Variants in MROH9 observed in about 807,000 individuals in gnomAD.
The protein encoded by MROH9 is maestro heat-like repeat-containing protein family member 9.
Under a neutral mutation model 98.2 loss-of-function variants are expected in MROH9, and 92 were observed. The ratio of observed to expected loss-of-function variants is 0.94; its 90% confidence interval spans 0.79 to 1.11. The LOEUF is 1.11. Ranked by LOEUF, MROH9 falls within the 50% of genes most tolerant of loss-of-function variation. The pLI is 0.00. For synonymous variants in MROH9, 397 were observed against 368.9 expected (o/e 1.08, Z -0.87); for missense variants, 1,057 against 1,014.8 (o/e 1.04, Z -0.57).
chr1:170,945,310 C>T (rs965420334), intron 1 of MROH9, among the ~76,000 whole-genome samples: 3 of 152,056 alleles, frequency 2.0e-5, no homozygotes, highest in Non-Finnish European at 2.9e-5. Context: ...GAGCAGACTA[C>T]AGCTAAACTG....
intron 20 of MROH9, among the ~76,000 whole-genome samples, chr1:171,041,871 A>G (rs746666825): frequency 6.6e-6 from 1 of 151,960 alleles, no homozygotes; most frequent in Non-Finnish European, 1.5e-5. Context: ...TTGTGGGTAC[A>G]TAGTAGGTGT....
At chr1:171,043,168 A>G (rs887874149) in intron 20 of MROH9, among the ~76,000 whole-genome samples, 1 of 152,028 alleles carries the variant, frequency 6.6e-6, no homozygotes, top group Non-Finnish European at 1.5e-5. Context: ...CTTGTATATG[A>G]CAAGAGATGG....
At chr1:170,948,574 A>C (rs1337797878) in intron 3 of MROH9, among the ~76,000 whole-genome samples, 1 of 152,122 alleles carries the variant, frequency 6.6e-6, no homozygotes, top group Non-Finnish European at 1.5e-5. Flanking sequence ...TATGCATTAA[A>C]TATTATGCTA....
rs1654108402 is a variant in MROH9 at position 171,064,453 on chromosome 1, G to T, written c.*113G>T. 2.4e-5 allele frequency: 26 copies of T among 1,082,090 alleles called. No individual in the cohort carries two copies. Among genetic ancestry groups the T allele is most frequent in the Non-Finnish European group, 3.2e-5 (25 of 788,228 alleles). The allele number at this position is 1,082,090 out of a possible 1,614,324, so 67.0% of individuals were successfully genotyped here. On this transcript the variant is annotated 3_prime_UTR_variant, in exon 22 of 22. Transcript: ENST00000367759. ...CTTTCCCTCCTGACAACTTGAGTCT[G>T]TTTGTAGATGCTTTTCTGAAAAATT...
chr1:171,063,848 A>G (rs1230946641), intron 21 of MROH9, among the ~76,000 whole-genome samples: 2 of 152,204 alleles, frequency 1.3e-5, no homozygotes, highest in African/African-American at 4.8e-5. Context: ...CTCAGCACAT[A>G]AAAGGTCCTT....
At chr1:171,016,119 C>T (rs1168130089) in intron 16 of MROH9, 44 bp from the exon 17 acceptor site, 10 of 1,318,680 alleles carry the variant, frequency 7.6e-6, no homozygotes, top group Non-Finnish European at 9.9e-6. Flanking sequence ...GCTCAAGTCT[C>T]CTGCTAGTTC....
chr1:171,033,147 C>T (rs1652982738), intron 20 of MROH9, among the ~76,000 whole-genome samples: 1 of 152,234 alleles, frequency 6.6e-6, no homozygotes, highest in South Asian at 2.1e-4. Context: ...AAAAGCACAG[C>T]CTGGGGCTTT....
At position 170,947,572 on chromosome 1, in the gene MROH9, T is replaced by C; in HGVS notation, c.71T>C (p.Met24Thr). The C allele has an allele frequency of 6.2e-7, 1 of 1,609,342 alleles. No individual in the cohort carries two copies. Among genetic ancestry groups the C allele is most frequent in the South Asian group, 1.1e-5 (1 of 90,812 alleles). ...CAAGACAGTGTGAAATGGCACCACA[T>C]GGTAAGTGATATTCTATAAGGATAT... is the stretch of plus-strand genomic sequence containing the variant. ...ILQDSVKWHHMAHKVNSLLDA... is the reference protein window; with the variant it reads ...ILQDSVKWHHTAHKVNSLLDA... Residue 24 changes from methionine (M) to threonine (T), a missense_variant and splice_region_variant, in exon 3 of 22, where the codon ATG (methionine) becomes ACG (threonine). Coordinates refer to ENST00000367759, the MANE Select transcript of MROH9 (RefSeq NM_001163629.2).
At chr1:171,038,544 T>C (rs185778808) in intron 20 of MROH9, among the ~76,000 whole-genome samples, 1 of 152,328 alleles carries the variant, frequency 6.6e-6, no homozygotes, top group African/African-American at 2.4e-5. Context: ...AAATGATGTG[T>C]GTACATAGAT....
In MROH9 at chr1:171,024,485, GT is replaced by G; in HGVS notation, c.2001del (p.Leu668Ter). The G allele has an allele frequency of 6.5e-7, 1 of 1,548,678 alleles. No homozygotes were observed. The highest frequency in any genetic ancestry group is 8.7e-7 in the Non-Finnish European group (1 of 1,146,078). ...RQYTWMVNDVVLEGLVPLILF... is the reference protein window; with the variant it reads ...RQYTWMVNDVXLEGLVPLILF... Reference sequence around the variant, plus strand: ...GTACACATGGATGGTGAATGATGTGGTTCTAGAAGGCTTGGTGCCCCTAATC... The same window carrying G: ...GTACACATGGATGGTGAATGATGTGGTCTAGAAGGCTTGGTGCCCCTAATC... On this transcript the variant is annotated frameshift_variant, in exon 18 of 22. Transcript: ENST00000367759. LOFTEE classifies it high-confidence loss of function.
At chr1:170,974,493 A>G (rs1417841142) in intron 8 of MROH9, among the ~76,000 whole-genome samples, 1 of 152,130 alleles carries the variant, frequency 6.6e-6, no homozygotes, top group Non-Finnish European at 1.5e-5. Flanking sequence ...GACACAAGTT[A>G]TAGGCAATGA....
At chr1:170,941,239 A>G (rs1269694840) in intron 1 of MROH9, among the ~76,000 whole-genome samples, 2 of 152,172 alleles carry the variant, frequency 1.3e-5, no homozygotes, top group Non-Finnish European at 2.9e-5. Context: ...GGAAAAGGCC[A>G]TAGGTCCCTT....
intron 20 of MROH9, among the ~76,000 whole-genome samples, chr1:171,060,132 C>T (rs1411796838): frequency 6.6e-6 from 1 of 151,948 alleles, no homozygotes; most frequent in Non-Finnish European, 1.5e-5. Flanking sequence ...CAAATACCAC[C>T]TCTTCCCCCA....
intron 15 of MROH9, among the ~76,000 whole-genome samples, chr1:171,006,812 T>C (rs1348646009): frequency 1.4e-5 from 2 of 141,518 alleles, no homozygotes; most frequent in Non-Finnish European, 3.1e-5. Flanking sequence ...CCAGGGTTTC[T>C]GTTTTGTTAT....
At chr1:170,952,673 A>G (rs1649602746) in intron 3 of MROH9, among the ~76,000 whole-genome samples, 1 of 151,964 alleles carries the variant, frequency 6.6e-6, no homozygotes, top group Non-Finnish European at 1.5e-5. Flanking sequence ...TGGGTGCAGC[A>G]CACCAACATG....
At chr1:171,002,261 A>T (rs1018933683) in intron 15 of MROH9, among the ~76,000 whole-genome samples, 2 of 152,070 alleles carry the variant, frequency 1.3e-5, no homozygotes, top group Non-Finnish European at 2.9e-5. Flanking sequence ...TTGAAATGTG[A>T]GGTACTGTTG....
intron 20 of MROH9, among the ~76,000 whole-genome samples, chr1:171,053,593 CT>C (rs1004003450): frequency 6.6e-6 from 1 of 152,068 alleles, no homozygotes; most frequent in African/African-American, 2.4e-5. Context: ...GATGTATAGA[CT>C]TTTTTAATTA....
intron 8 of MROH9, among the ~76,000 whole-genome samples, chr1:170,974,855 T>C (rs1650620564): frequency 6.6e-6 from 1 of 151,786 alleles, no homozygotes; most frequent in African/African-American, 2.4e-5. Context: ...ACACAAAAAC[T>C]TAAAGGGAAA....
rs10919535 is a variant in MROH9 at position 170,957,646 on chromosome 1, G to A, written c.73-815G>A. Among the ~76,000 whole-genome samples the A allele has an allele frequency of 3.3e-5, 5 of 152,200 alleles. No individual in the cohort carries two copies. The East Asian group carries it at 7.7e-4, about 24-fold the overall frequency. On this transcript the variant is annotated intron_variant, in intron 3 of 21. Coordinates refer to ENST00000367759, the MANE Select transcript of MROH9 (RefSeq NM_001163629.2). ...GATTGTTTTGGCTATTGGAGGTCTAGTTCTCCAGTTTCTTGGAAAAAAAGA... is the reference window on the plus strand; with the variant it reads ...GATTGTTTTGGCTATTGGAGGTCTAATTCTCCAGTTTCTTGGAAAAAAAGA...
Sources: gnomAD v4.1 joint callset for allele counts (sites outside exome capture counted in the v4.1 genomes callset) on GRCh38, gnomAD v4.1.1 for gene constraint, MANE v1.5 for transcripts, NCBI Gene and HGNC (gene_info 2026-07-23, HGNC 2026-07-21) for gene names.